The following RBFOX1 variants were observed in gnomAD, a reference collection of about 807,000 sequenced individuals.
The protein encoded by RBFOX1 is RNA binding protein fox-1 homolog 1.
A neutral mutation model predicts 57.7 loss-of-function variants in RBFOX1; 8 were observed. The observed-to-expected ratio is 0.14, with a 90% CI of 0.08 to 0.25. The LOEUF is 0.25. Ranked by LOEUF, RBFOX1 falls within the 10% of genes least tolerant of loss-of-function variation. The pLI, the probability that RBFOX1 is intolerant of heterozygous loss-of-function variation, is 1.00. For synonymous variants in RBFOX1, 326 were observed against 222.4 expected (o/e 1.47, Z -4.15); for missense variants, 611 against 548.5 (o/e 1.11, Z -1.14).
At chr16:6,267,199 G>C (rs1366043505) in intron 1 of RBFOX1, among the ~76,000 whole-genome samples, 2 of 152,174 alleles carry the variant, frequency 1.3e-5, no homozygotes, top group African/African-American at 4.8e-5. Flanking sequence ...AAAAAATCTG[G>C]GGCAGTGATC....
chr16:7,078,863 C>CTTTTTTT lies in RBFOX1; in HGVS notation c.27+26785_27+26791dup, dbSNP rs57410575. Among the ~76,000 whole-genome samples, 15 of 52,748 alleles carry CTTTTTTT rather than the reference C, an allele frequency of 2.8e-4. 3 individuals are homozygous for CTTTTTTT. Among genetic ancestry groups the CTTTTTTT allele is most frequent in the South Asian group, 2.4e-3 (2 of 840 alleles). The allele number at this position is 52,748 out of a possible 152,430, so 34.6% of individuals were successfully genotyped here. A position where few individuals can be genotyped will look rare whatever the true frequency, so the allele number is the denominator to read the frequency against. Reference sequence around the variant, plus strand: ...ACGCCCAGCTAATTTATATATATACCTTTTTTTTTTTTTTTTTTTTTTTTT... The same window carrying CTTTTTTT: ...ACGCCCAGCTAATTTATATATATACCTTTTTTTTTTTTTTTTTTTTTTTTTTTTTTTT... On this transcript the variant is annotated intron_variant, in intron 4 of 15. Transcript: ENST00000550418.
intron 1 of RBFOX1, among the ~76,000 whole-genome samples, chr16:6,152,138 T>G (rs369539633): frequency 3.3e-5 from 5 of 152,240 alleles, no homozygotes; most frequent in Non-Finnish European, 7.3e-5. Context: ...TGGAATACAC[T>G]AATAAAATCC....
At chr16:6,742,577 C>T (rs1441560480) in intron 3 of RBFOX1, among the ~76,000 whole-genome samples, 2 of 152,110 alleles carry the variant, frequency 1.3e-5, no homozygotes, top group African/African-American at 4.8e-5. Context: ...AAACTGGAAA[C>T]AACCAAAATA....
chr16:5,264,952 G>A (rs1242793742), intron 1 of RBFOX1, among the ~76,000 whole-genome samples: 1 of 152,074 alleles, frequency 6.6e-6, no homozygotes, highest in Non-Finnish European at 1.5e-5. Flanking sequence ...TTTAGGAGTT[G>A]TTATTGCAGC....
In RBFOX1 at chr16:6,098,442, G is replaced by A. The variant is rs547825970; in HGVS notation, c.-127+78450G>A. Among the ~76,000 whole-genome samples the A allele has an allele frequency of 5.3e-5, 8 of 152,326 alleles. No homozygotes were observed. In the South Asian group the frequency reaches 1.7e-3, roughly 32 times the overall value. ...GCACTGCCTCCTAAATTAGCTTTGTGTCTTTAACCCCAGCCTCGGGAGGCC... is the reference window on the plus strand; with the variant it reads ...GCACTGCCTCCTAAATTAGCTTTGTATCTTTAACCCCAGCCTCGGGAGGCC... On this transcript the variant is annotated intron_variant, in intron 1 of 15. Transcript: ENST00000550418.
chr16:7,638,452 C>T lies in RBFOX1; in HGVS notation c.757+7769C>T, dbSNP rs1336500237. Among the ~76,000 whole-genome samples, 3 of 152,088 alleles carry T rather than the reference C, an allele frequency of 2.0e-5. No individual in the cohort carries two copies. In the East Asian group the frequency reaches 5.8e-4, roughly 29 times the overall value. On this transcript the variant is annotated intron_variant, in intron 11 of 15. Coordinates refer to ENST00000550418, the MANE Select transcript of RBFOX1 (RefSeq NM_018723.4). ...CCAGAGGCTGGAAACAGGATGGACTCCAAGAAATGGCTGAGCAGGGAGTGG... is the reference window on the plus strand; with the variant it reads ...CCAGAGGCTGGAAACAGGATGGACTTCAAGAAATGGCTGAGCAGGGAGTGG...
intron 3 of RBFOX1, among the ~76,000 whole-genome samples, chr16:6,743,469 T>A (rs953202761): frequency 1.3e-5 from 2 of 152,132 alleles, no homozygotes; most frequent in Non-Finnish European, 2.9e-5. Context: ...TAAGGATGAA[T>A]GGTAGTGCAC....
At chr16:7,473,328 A>G (rs1287443425) in intron 4 of RBFOX1, among the ~76,000 whole-genome samples, 1 of 151,512 alleles carries the variant, frequency 6.6e-6, no homozygotes, top group Non-Finnish European at 1.5e-5. Context: ...TAGTGAGCCA[A>G]GATCACACCA....
intron 3 of RBFOX1, among the ~76,000 whole-genome samples, chr16:6,664,860 G>A (rs1220973325): frequency 1.3e-5 from 2 of 152,144 alleles, no homozygotes; most frequent in South Asian, 2.1e-4. Flanking sequence ...TCCCGGTTCT[G>A]CCCCTTCACC....
At chr16:6,882,837 G>T (rs750090975) in intron 3 of RBFOX1, among the ~76,000 whole-genome samples, 7 of 152,028 alleles carry the variant, frequency 4.6e-5, no homozygotes, top group Non-Finnish European at 7.4e-5. Flanking sequence ...CTTTTCAGAG[G>T]CTTTATGTTC....
intron 4 of RBFOX1, among the ~76,000 whole-genome samples, chr16:7,060,518 T>G (rs2053921411): frequency 6.6e-6 from 1 of 152,208 alleles, no homozygotes; most frequent in South Asian, 2.1e-4. Context: ...GTTAAATACC[T>G]TCTGCCATTC....
intron 4 of RBFOX1, among the ~76,000 whole-genome samples, chr16:7,446,132 A>G (rs141495125): frequency 0.012 from 1,874 of 152,298 alleles, 8 homozygotes; most frequent in Middle Eastern, 0.027. Context: ...TGAAATGACT[A>G]ATTAACACCA....
In RBFOX1 at chr16:5,907,125, G is replaced by A. The variant is rs117082082; in HGVS notation, c.351+39790G>A. Among the ~76,000 whole-genome samples, 8 of 152,266 alleles carry A rather than the reference G, an allele frequency of 5.3e-5. No homozygotes were observed. The East Asian group carries it at 1.5e-3, about 29-fold the overall frequency. ...GGAGGGGTGTACGCATTTGGTGGAT[G>A]ATTTCTGTGACACCTTAAAATTTGG... On this transcript the variant is annotated intron_variant, in intron 4 of 19. Coordinates refer to the RBFOX1 transcript ENST00000641259.
chr16:5,620,884 A>C (rs2048181275), intron 3 of RBFOX1, among the ~76,000 whole-genome samples: 1 of 152,090 alleles, frequency 6.6e-6, no homozygotes, highest in African/African-American at 2.4e-5. Flanking sequence ...TCTGTCCCCC[A>C]GGCTGGAGTG....
At chr16:7,336,033 T>G (rs570365213) in intron 4 of RBFOX1, among the ~76,000 whole-genome samples, 1 of 152,348 alleles carries the variant, frequency 6.6e-6, no homozygotes, top group East Asian at 1.9e-4. Flanking sequence ...GAGATCCCGA[T>G]GTTGATATCT....
At chr16:6,537,173 T>A (rs2096746884) in intron 2 of RBFOX1, among the ~76,000 whole-genome samples, 1 of 152,146 alleles carries the variant, frequency 6.6e-6, no homozygotes, top group Admixed American at 6.5e-5. Flanking sequence ...ACAATGCATA[T>A]TCTGTTTCGT....
At chr16:7,352,667 A>G (rs964045305) in intron 4 of RBFOX1, among the ~76,000 whole-genome samples, 1 of 151,878 alleles carries the variant, frequency 6.6e-6, no homozygotes, top group African/African-American at 2.4e-5. Flanking sequence ...TGAAGGATGC[A>G]CTCTTGTCCT....
intron 3 of RBFOX1, among the ~76,000 whole-genome samples, chr16:5,677,811 C>G (rs1034657890): frequency 8.5e-5 from 13 of 152,124 alleles, no homozygotes; most frequent in Admixed American, 8.5e-4. Context: ...GAAGCAAACA[C>G]TGTGTTCTGG....
chr16:6,609,328 G>C (rs770907922), intron 2 of RBFOX1, among the ~76,000 whole-genome samples: 1 of 151,982 alleles, frequency 6.6e-6, no homozygotes, highest in African/African-American at 2.4e-5. Flanking sequence ...CGTGGAAAAT[G>C]ATTTTCTTTT....
Sources: allele counts gnomAD v4.1 joint callset (sites outside exome capture counted in the v4.1 genomes callset), GRCh38; gene constraint gnomAD v4.1.1; transcripts MANE v1.5; gene names NCBI Gene and HGNC (gene_info 2026-07-23, HGNC 2026-07-21).